The following DCDC1 variants were observed in gnomAD, a reference collection of about 807,000 sequenced individuals.
DCDC1 encodes doublecortin domain-containing protein 1.
A neutral mutation model predicts 178.3 loss-of-function variants in DCDC1; 200 were observed. That is an observed-to-expected ratio of 1.12 (90% confidence interval 1.00 to 1.26). The LOEUF is 1.26. Ranked by LOEUF, DCDC1 falls within the 50% of genes most tolerant of loss-of-function variation. The pLI is 0.00. For missense variants in DCDC1, 1,983 were observed against 1,749.2 expected (o/e 1.13, Z -2.38); for synonymous variants, 690 against 604.8 (o/e 1.14, Z -2.07).
At chr11:31,152,447 T>G (rs756540279) in intron 9 of DCDC1, among the ~76,000 whole-genome samples, 61 of 152,348 alleles carry the variant, frequency 4.0e-4, no homozygotes, top group Admixed American at 9.1e-4. Flanking sequence ...TGTGATCTAC[T>G]GTTTAAATCA....
At chr11:31,348,239 A>C (rs1461446126) in intron 1 of DCDC1, among the ~76,000 whole-genome samples, 1 of 152,196 alleles carries the variant, frequency 6.6e-6, no homozygotes, top group East Asian at 1.9e-4. Context: ...CTATAGTAGA[A>C]TTGAATATTC....
At chr11:31,004,458 G>A (rs1951732125) in intron 20 of DCDC1, among the ~76,000 whole-genome samples, 1 of 151,374 alleles carries the variant, frequency 6.6e-6, no homozygotes, top group Non-Finnish European at 1.5e-5. Context: ...AGGATCATGA[G>A]GTCAGGAGAT....
chr11:30,983,907 G>C (rs759546836), intron 20 of DCDC1, among the ~76,000 whole-genome samples: 1 of 152,208 alleles, frequency 6.6e-6, no homozygotes, highest in Non-Finnish European at 1.5e-5. Context: ...TATCTAAATG[G>C]GCGATATAAT....
At chr11:31,351,681 T>C (rs964703550) in intron 1 of DCDC1, among the ~76,000 whole-genome samples, 3 of 152,122 alleles carry the variant, frequency 2.0e-5, no homozygotes, top group Non-Finnish European at 4.4e-5. Context: ...AAAAAGCACA[T>C]AAACTTCTTT....
intron 21 of DCDC1, chr11:30,943,582 C>T (rs1163445913): frequency 9.3e-6 from 4 of 431,448 alleles, no homozygotes; most frequent in Non-Finnish European, 1.8e-5. Context: ...TGCTCCTTAC[C>T]TTTAAGTGTT....
At chr11:31,296,327 T>C (rs758987215) in intron 6 of DCDC1, among the ~76,000 whole-genome samples, 3 of 152,124 alleles carry the variant, frequency 2.0e-5, no homozygotes, top group African/African-American at 7.3e-5. Flanking sequence ...CTGTTCATTA[T>C]CCCTGTTCAC....
At chr11:31,306,844 T>C (rs1324948463) in intron 4 of DCDC1, among the ~76,000 whole-genome samples, 1 of 152,092 alleles carries the variant, frequency 6.6e-6, no homozygotes, top group African/African-American at 2.4e-5. Flanking sequence ...TTAAAAAATG[T>C]TTAAAATTCA....
Position 30,906,525 on chromosome 11 carries a change from C to CA in DCDC1, c.4104+14dup. Reference sequence around the variant, plus strand: ...TTGCCATACATGCATTAGCAGAGCTCAGATCATTACATACCTCAGCCACAC... The same window carrying CA: ...TTGCCATACATGCATTAGCAGAGCTCAAGATCATTACATACCTCAGCCACAC... On this transcript the variant is annotated intron_variant, in intron 30 of 38. Transcript: ENST00000684477. 6.2e-7 allele frequency: 1 copy of CA among 1,607,732 alleles called. No individual in the cohort carries two copies. The highest frequency in any genetic ancestry group is 2.2e-5 in the East Asian group (1 of 44,702).
chr11:31,045,365 A>T (rs1286975820), intron 20 of DCDC1, among the ~76,000 whole-genome samples: 1 of 151,562 alleles, frequency 6.6e-6, no homozygotes, highest in Admixed American at 6.6e-5. Context: ...AAGTTTACTG[A>T]ATTTGACCCC....
At chr11:31,360,729 A>T (rs1951667118) in intron 1 of DCDC1, among the ~76,000 whole-genome samples, 2 of 152,168 alleles carry the variant, frequency 1.3e-5, no homozygotes, top group Admixed American at 1.3e-4. Context: ...GTGGAAAGAG[A>T]AGCAAAGGAT....
chr11:30,933,956 T>C (rs1418694411), intron 21 of DCDC1, among the ~76,000 whole-genome samples: 1 of 152,164 alleles, frequency 6.6e-6, no homozygotes, highest in Non-Finnish European at 1.5e-5. Flanking sequence ...GGAATGAAAG[T>C]ACAACATTTT....
rs1946314655 is a variant in DCDC1, at chr11:30,922,506, C to A, written c.3130G>T (p.Glu1044Ter). ...GGTAAATAATTCCAATGCTTACCTT[C>A]TATTTTATGTGTGCTGCAGAAGATT... The part of the protein sequence containing the change: ...IQIFCSTHKI[E>*]ALVLEVQSDI... Residue 1044 changes from glutamate to a stop codon, truncating the protein, a stop_gained, in exon 24 of 39, where the codon GAA (glutamate) becomes TAA (stop). Coordinates refer to ENST00000684477, the MANE Select transcript of DCDC1 (RefSeq NM_001387274.1). LOFTEE classifies it high-confidence loss of function. The A allele has an allele frequency of 3.9e-6, 6 of 1,530,138 alleles. No individual in the cohort carries two copies. The highest frequency in any genetic ancestry group is 1.4e-5 in the African/African-American group (1 of 69,868). The allele number at this position is 1,530,138 out of a possible 1,614,324, so 94.8% of individuals were successfully genotyped here. A position where few individuals can be genotyped will look rare whatever the true frequency, so the allele number is the denominator to read the frequency against.
intron 17 of DCDC1, among the ~76,000 whole-genome samples, chr11:31,081,525 G>A (rs1321815181): frequency 6.6e-6 from 1 of 151,956 alleles, no homozygotes; most frequent in Non-Finnish European, 1.5e-5. Context: ...CAGGAGAATC[G>A]CTTGAACCCA....
At chr11:31,176,128 AG>A (rs1354320081) in intron 9 of DCDC1, among the ~76,000 whole-genome samples, 4 of 152,242 alleles carry the variant, frequency 2.6e-5, no homozygotes, top group Non-Finnish European at 4.4e-5. Flanking sequence ...AAGATACAGC[AG>A]AAAACAAACA....
At chr11:31,057,299 A>G in intron 20 of DCDC1, among the ~76,000 whole-genome samples, 1 of 151,834 alleles carries the variant, frequency 6.6e-6, no homozygotes, top group African/African-American at 2.4e-5. Context: ...GAAGGAAAGA[A>G]AGAAAGAAAG....
chr11:31,243,362 ACCTGGC>A (rs1194169253), intron 8 of DCDC1, among the ~76,000 whole-genome samples: 3 of 151,744 alleles, frequency 2.0e-5, no homozygotes, highest in Non-Finnish European at 4.4e-5. Flanking sequence ...TACTCATTGA[ACCTGGC>A]ATACTTTTTG....
At chr11:30,942,568 G>C (rs1947727717) in intron 21 of DCDC1, among the ~76,000 whole-genome samples, 1 of 152,180 alleles carries the variant, frequency 6.6e-6, no homozygotes, top group Non-Finnish European at 1.5e-5. Flanking sequence ...TCGATTCATA[G>C]ATTCAGGGTG....
At chr11:30,866,171 T>G (rs273585) in intron 38 of DCDC1, among the ~76,000 whole-genome samples, 3,279 of 152,304 alleles carry the variant, frequency 0.022, 50 homozygotes, top group Middle Eastern at 0.1. Context: ...ATTGAGGTGA[T>G]GCTTCTACAA....
intron 9 of DCDC1, among the ~76,000 whole-genome samples, chr11:31,176,092 A>G (rs1967975750): frequency 6.6e-6 from 1 of 152,260 alleles, no homozygotes; most frequent in African/African-American, 2.4e-5. Context: ...AAGAAAATCT[A>G]AATAATGATC....
Sources: allele counts gnomAD v4.1 joint callset (sites outside exome capture counted in the v4.1 genomes callset), GRCh38; gene constraint gnomAD v4.1.1; transcripts MANE v1.5; gene names NCBI Gene and HGNC (gene_info 2026-07-23, HGNC 2026-07-21).